AOAH: variants seen among roughly 807,000 people sequenced by gnomAD.
AOAH encodes the protein acyloxyacyl hydrolase (neutrophil).
In AOAH, 64 loss-of-function variants were observed where a neutral mutation model predicts 92.2. The observed-to-expected ratio is 0.69, with a 90% confidence interval of 0.57 to 0.86. The LOEUF (loss-of-function observed/expected upper bound fraction) is 0.86. Ranked by LOEUF, AOAH falls within the 40% of genes least tolerant of loss-of-function variation. AOAH has a pLI of 0.00. For synonymous variants in AOAH, 263 were observed against 254.5 expected (o/e 1.03, Z -0.32); for missense variants, 656 against 694.6 (o/e 0.94, Z 0.62).
chr7:36,689,548 A>G (rs1282748103), intron 1 of AOAH, among the ~76,000 whole-genome samples: 1 of 152,058 alleles, frequency 6.6e-6, no homozygotes, highest in East Asian at 1.9e-4. Context: ...GCCCCTGGTG[A>G]ATAGAATATG....
intron 11 of AOAH, among the ~76,000 whole-genome samples, chr7:36,602,632 A>T (rs1790696125): frequency 6.6e-6 from 1 of 152,156 alleles, no homozygotes; most frequent in African/African-American, 2.4e-5. Flanking sequence ...TGAAATGAGC[A>T]CGAAGAGGTA....
intron 11 of AOAH, among the ~76,000 whole-genome samples, chr7:36,609,214 C>G (rs185918069): frequency 1.3e-5 from 2 of 152,128 alleles, no homozygotes; most frequent in Non-Finnish European, 2.9e-5. Flanking sequence ...TTGTTTCTTC[C>G]CCACTGTACT....
Position 36,655,923 on chromosome 7 carries a change from T to C in AOAH, c.390+3243A>G, listed in dbSNP as rs116041878. Reference sequence around the variant, plus strand: ...TCAAGAAAGGAATATACAGGAGCTATGATAAGAGGGCTATCTAATAGGGCC... The same window carrying C: ...TCAAGAAAGGAATATACAGGAGCTACGATAAGAGGGCTATCTAATAGGGCC... On this transcript the variant is annotated intron_variant, in intron 4 of 20. Coordinates refer to ENST00000617537, the MANE Select transcript of AOAH (RefSeq NM_001637.4). Among the ~76,000 whole-genome samples the C allele has an allele frequency of 4.0e-3, 609 of 152,194 alleles. 2 individuals carry two copies. Among genetic ancestry groups the C allele is most frequent in the African/African-American group, 0.014 (577 of 41,516 alleles).
At chr7:36,535,592 A>T (rs181307286) in intron 16 of AOAH, among the ~76,000 whole-genome samples, 63 of 152,288 alleles carry the variant, frequency 4.1e-4, no homozygotes, top group African/African-American at 1.5e-3. Context: ...CTAGCAGACG[A>T]ATTTGCAGCC....
intron 13 of AOAH, among the ~76,000 whole-genome samples, chr7:36,559,775 T>C (rs1029772054): frequency 1.3e-5 from 2 of 152,236 alleles, no homozygotes; most frequent in African/African-American, 4.8e-5. Flanking sequence ...TTTGTTGCAA[T>C]TGCTTTTGAA....
At chr7:36,592,836 T>C (rs1001900086) in intron 12 of AOAH, among the ~76,000 whole-genome samples, 1 of 152,246 alleles carries the variant, frequency 6.6e-6, no homozygotes, top group Non-Finnish European at 1.5e-5. Flanking sequence ...TTAGTAAGTA[T>C]TTTAGTATTT....
chr7:36,513,424 C>A, intron 20 of AOAH, 44 bp from the exon 21 acceptor site: 1 of 1,588,824 alleles, frequency 6.3e-7, no homozygotes, highest in Non-Finnish European at 8.6e-7. Context: ...GAAATTAGGA[C>A]AAATCACTTA....
chr7:36,645,210 C>T (rs2116388978), intron 4 of AOAH, among the ~76,000 whole-genome samples: 1 of 152,286 alleles, frequency 6.6e-6, no homozygotes, highest in African/African-American at 2.4e-5. Flanking sequence ...GTGATTAGGT[C>T]ATGAGGCTGG....
chr7:36,557,815 A>G (rs1342922202), intron 13 of AOAH, among the ~76,000 whole-genome samples: 2 of 151,962 alleles, frequency 1.3e-5, no homozygotes, highest in Non-Finnish European at 2.9e-5. Context: ...GTAGTTCTCG[A>G]GCCTTGGCTT....
intron 4 of AOAH, 120 bp from the exon 5 acceptor site, chr7:36,638,030 T>C: frequency 1.3e-6 from 1 of 782,580 alleles, no homozygotes; most frequent in Non-Finnish European, 2.0e-6. Context: ...CTCCATAAAT[T>C]TGTAATAAAA....
chr7:36,571,663 C>G (rs1788156386), intron 13 of AOAH, among the ~76,000 whole-genome samples: 1 of 152,126 alleles, frequency 6.6e-6, no homozygotes, highest in African/African-American at 2.4e-5. Flanking sequence ...CAGCTTTTTC[C>G]TTGCAGAGGG....
chr7:36,723,430 C>G (rs184444982), intron 1 of AOAH, among the ~76,000 whole-genome samples: 1 of 152,174 alleles, frequency 6.6e-6, no homozygotes, highest in African/African-American at 2.4e-5. Context: ...TCCAGGTGAT[C>G]GCCAAATCTG....
chr7:36,526,474 C>T (rs1314243412), intron 19 of AOAH, among the ~76,000 whole-genome samples: 3 of 152,176 alleles, frequency 2.0e-5, no homozygotes, highest in Non-Finnish European at 4.4e-5. Flanking sequence ...AAATGCAATA[C>T]CAGACACTGG....
intron 4 of AOAH, among the ~76,000 whole-genome samples, chr7:36,651,791 A>T (rs1174153429): frequency 6.6e-6 from 1 of 152,236 alleles, no homozygotes; most frequent in East Asian, 1.9e-4. Context: ...CCTCAACTGC[A>T]AAATATGTTT....
At chr7:36,655,352 G>A (rs1794817778) in intron 4 of AOAH, among the ~76,000 whole-genome samples, 1 of 151,696 alleles carries the variant, frequency 6.6e-6, no homozygotes, top group African/African-American at 2.4e-5. Context: ...GGATAGTTAG[G>A]AATTACTTTA....
chr7:36,644,583 C>T (rs1449347631), intron 4 of AOAH, among the ~76,000 whole-genome samples: 2 of 152,142 alleles, frequency 1.3e-5, no homozygotes, highest in African/African-American at 4.8e-5. Flanking sequence ...TGTCCTGAGA[C>T]ATTTTTAAGG....
chr7:36,608,617 G>A (rs2115819597), intron 11 of AOAH, among the ~76,000 whole-genome samples: 1 of 152,300 alleles, frequency 6.6e-6, no homozygotes, highest in Admixed American at 6.5e-5. Flanking sequence ...GAGTGTAGGT[G>A]GCTCAGCCAG....
intron 12 of AOAH, among the ~76,000 whole-genome samples, chr7:36,584,968 G>C (rs561293448): frequency 6.6e-6 from 1 of 152,174 alleles, no homozygotes; most frequent in East Asian, 1.9e-4. Flanking sequence ...ACAAAATGAA[G>C]TCACCTGATT....
rs796582164 is a variant in AOAH at position 36,723,362 on chromosome 7, T to C, written c.127+660A>G. Reference sequence around the variant, plus strand: ...AAAAAAACAAACAAAAAAAACCTCTTGGAAATAAAACACTTCATTAACAGA... The same window carrying C: ...AAAAAAACAAACAAAAAAAACCTCTCGGAAATAAAACACTTCATTAACAGA... On this transcript the variant is annotated intron_variant, in intron 1 of 20. Coordinates refer to ENST00000617537, the MANE Select transcript of AOAH (RefSeq NM_001637.4). 9.9e-5 allele frequency among the ~76,000 whole-genome samples: 15 copies of C among 152,270 alleles called. 1 individual carries two copies. The highest frequency in any genetic ancestry group is 4.1e-4 in the South Asian group (2 of 4,820).
Sources: gnomAD v4.1 joint callset for allele counts (sites outside exome capture counted in the v4.1 genomes callset) on GRCh38, gnomAD v4.1.1 for gene constraint, MANE v1.5 for transcripts, NCBI Gene and HGNC (gene_info 2026-07-23, HGNC 2026-07-21) for gene names.